The following MOV10L1 variants were observed in gnomAD, a reference collection of about 807,000 sequenced individuals.
MOV10L1 encodes Mov10 like RNA helicase 1.
A neutral mutation model predicts 143.8 loss-of-function variants in MOV10L1; 110 were observed. The ratio of observed to expected loss-of-function variants is 0.76; its 90% confidence interval spans 0.66 to 0.90. MOV10L1 has a LOEUF of 0.90. Ranked by LOEUF, MOV10L1 falls within the 40% of genes least tolerant of loss-of-function variation. MOV10L1 has a pLI of 0.00. For synonymous variants in MOV10L1, 593 were observed against 581.1 expected (o/e 1.02, Z -0.29); for missense variants, 1,406 against 1,526.8 (o/e 0.92, Z 1.32).
At chr22:50,102,287 A>T (rs1388250791) in intron 3 of MOV10L1, among the ~76,000 whole-genome samples, 1 of 152,228 alleles carries the variant, frequency 6.6e-6, no homozygotes, top group Non-Finnish European at 1.5e-5. Context: ...ATCTAATGAG[A>T]TCAGCAAACC....
chr22:50,103,728 C>T (rs1373361988), intron 3 of MOV10L1, among the ~76,000 whole-genome samples: 4 of 151,994 alleles, frequency 2.6e-5, no homozygotes, highest in East Asian at 1.9e-4. Flanking sequence ...TCCGTGTGGC[C>T]GCAGCACCCA....
intron 2 of MOV10L1, among the ~76,000 whole-genome samples, chr22:50,099,188 G>A (rs1173660571): frequency 6.6e-6 from 1 of 152,202 alleles, no homozygotes; most frequent in Non-Finnish European, 1.5e-5. Flanking sequence ...AGGCTTTGGT[G>A]GGTGACTGGG....
chr22:50,097,202 TC>T (rs2062611920), intron 2 of MOV10L1, among the ~76,000 whole-genome samples: 2 of 152,114 alleles, frequency 1.3e-5, no homozygotes, highest in South Asian at 4.1e-4. Context: ...AGCCTCAACC[TC>T]CCAGGCTGAA....
At chr22:50,134,476 A>T (rs2062765472) in intron 14 of MOV10L1, 54 bp from the exon 15 acceptor site, 2 of 1,469,798 alleles carry the variant, frequency 1.4e-6, no homozygotes, top group African/African-American at 1.4e-5. Context: ...CTCTATTAAT[A>T]TTTTTTTAGC....
Position 50,108,158 on chromosome 22 carries a change from C to G in MOV10L1, c.465C>G (p.Asp155Glu). ...TAGGCTTCGAGCCCTGCAAGGGAGA[C>G]TGGGTGGAGGCTGAGTACCGGATCC... ...VCEGFEPCKG[D>E]WVEAEYRIRP... Residue 155 changes from aspartate to glutamate, a missense_variant, in exon 4 of 27, where the codon GAC becomes GAG. Physicochemically the swap from Asp to Glu is conservative, Grantham distance 45. Coordinates refer to ENST00000262794, the MANE Select transcript of MOV10L1 (RefSeq NM_018995.3). The G allele has an allele frequency of 1.2e-6, 2 of 1,614,074 alleles. No homozygotes were observed. The highest frequency in any genetic ancestry group is 1.7e-6 in the Non-Finnish European group (2 of 1,180,000).
Position 50,160,708 on chromosome 22 carries a change from A to C in MOV10L1, c.3345A>C (p.Arg1115Ser). The C allele has an allele frequency of 6.2e-7, 1 of 1,614,134 alleles. No homozygotes were observed. The highest frequency in any genetic ancestry group is 8.5e-7 in the Non-Finnish European group (1 of 1,180,018). ...IISTVRSNED[R>S]FEDDRYFLGF... ...TTTAGGTACGGTCAAATGAAGATAG[A>C]TTTGAAGATGATCGATATTTTTTGG... The change falls in exon 25 of 27, where the codon AGA becomes AGC. Residue 1115 changes from arginine (R) to serine (S), a missense_variant. Transcript: ENST00000262794.
intron 10 of MOV10L1, among the ~76,000 whole-genome samples, chr22:50,120,908 T>C (rs534323586): frequency 1.3e-5 from 2 of 152,314 alleles, no homozygotes; most frequent in Non-Finnish European, 2.9e-5. Context: ...GCCATCAGCC[T>C]GGCCTCTCTC....
chr22:50,096,418 T>C (rs564438176), intron 2 of MOV10L1: 2 of 152,386 alleles, frequency 1.3e-5, no homozygotes, highest in Admixed American at 1.3e-4. Context: ...TTGTTTCTAC[T>C]TTTTGGTTGT....
intron 16 of MOV10L1, among the ~76,000 whole-genome samples, chr22:50,142,809 C>G (rs2063028711): frequency 6.6e-6 from 1 of 151,796 alleles, no homozygotes; most frequent in Non-Finnish European, 1.5e-5. Flanking sequence ...GTACTCCAAG[C>G]TGGGTGACAG....
At chr22:50,133,631 C>G (rs773294312) in intron 13 of MOV10L1, among the ~76,000 whole-genome samples, 13 of 151,952 alleles carry the variant, frequency 8.6e-5, no homozygotes, top group Admixed American at 6.6e-5. Context: ...ACCTCTGCCT[C>G]CCAGGTTCAA....
At chr22:50,127,223 A>G (rs1197795951) in intron 12 of MOV10L1, among the ~76,000 whole-genome samples, 1 of 152,124 alleles carries the variant, frequency 6.6e-6, no homozygotes, top group Non-Finnish European at 1.5e-5. Flanking sequence ...CCTCCAAAGA[A>G]GCAGAGCCAG....
In MOV10L1 at chr22:50,136,556, C is replaced by T. The variant is rs189486958; in HGVS notation, c.2070+1926C>T. ...TGAGAGAGGAAACAAATGAGGTGAC[C>T]TCATGGTTTTCCCAACTCACAGCCT... On this transcript the variant is annotated intron_variant, in intron 15 of 26. Coordinates refer to ENST00000262794, the MANE Select transcript of MOV10L1 (RefSeq NM_018995.3). Among the ~76,000 whole-genome samples the T allele has an allele frequency of 4.0e-3, 613 of 152,274 alleles. 1 individual carries two copies. The highest frequency in any genetic ancestry group is 6.7e-3 in the Non-Finnish European group (459 of 68,018).
chr22:50,102,115 T>TA (rs1266254016), intron 3 of MOV10L1, among the ~76,000 whole-genome samples: 1 of 152,168 alleles, frequency 6.6e-6, no homozygotes, highest in Non-Finnish European at 1.5e-5. Flanking sequence ...TTTCCCAGTA[T>TA]AAAAAACCTC....
chr22:50,130,948 G>A (rs181665182), intron 13 of MOV10L1, among the ~76,000 whole-genome samples: 163 of 152,256 alleles, frequency 1.1e-3, no homozygotes, highest in African/African-American at 3.9e-3. Flanking sequence ...CCAGGCTGGA[G>A]TGCAGTGGCA....
rs2147432337 is a variant in MOV10L1, at chr22:50,152,287, A to G, written c.2893-758A>G. ...GGGCAGAGGGTGCAGCATTGCATAG[A>G]GAGGACGGCTCCCCGCGGCACAGAC... is the stretch of plus-strand genomic sequence containing the variant. On this transcript the variant is annotated intron_variant, in intron 21 of 26. Coordinates refer to ENST00000262794, the MANE Select transcript of MOV10L1 (RefSeq NM_018995.3). This position sits in a 1 kb window ranked among gnomAD's most constrained non-coding sequence, Gnocchi z 4.4. Among the ~76,000 whole-genome samples the G allele has an allele frequency of 6.6e-6, 1 of 152,328 alleles. No homozygotes were observed. The highest frequency in any genetic ancestry group is 2.1e-4 in the South Asian group (1 of 4,832).
At chr22:50,157,272 C>T (rs2063450072) in intron 22 of MOV10L1, among the ~76,000 whole-genome samples, 1 of 116,066 alleles carries the variant, frequency 8.6e-6, no homozygotes, top group African/African-American at 2.7e-5. Flanking sequence ...AGGTTTTCTC[C>T]CCCCTCCGCA....
At chr22:50,100,057 T>G (rs1404898907) in intron 3 of MOV10L1, among the ~76,000 whole-genome samples, 4 of 152,068 alleles carry the variant, frequency 2.6e-5, no homozygotes, top group Admixed American at 1.3e-4. Context: ...AGTGGTATGA[T>G]CTCAGCTCAC....
rs1424980273 is a variant in MOV10L1, at chr22:50,125,573, T to G, written c.1747+4T>G. On this transcript the variant is annotated splice_donor_region_variant and intron_variant, in intron 11 of 26. Coordinates refer to ENST00000262794, the MANE Select transcript of MOV10L1 (RefSeq NM_018995.3). ...GGGAGGCCTTCTCTCTACGCAGGTG[T>G]GTTTGTTACTCATATGCTTCCCTGG... 4 of 1,613,086 alleles carry G rather than the reference T, an allele frequency of 2.5e-6. No homozygotes were observed. The highest frequency in any genetic ancestry group is 3.4e-6 in the Non-Finnish European group (4 of 1,179,484).
chr22:50,158,256 C>G lies in MOV10L1; in HGVS notation c.3216+50C>G, dbSNP rs774295783. 1.2e-5 allele frequency: 19 copies of G among 1,603,892 alleles called. No individual in the cohort carries two copies. Among genetic ancestry groups the G allele is most frequent in the Non-Finnish European group, 1.6e-5 (19 of 1,173,920 alleles). Reference sequence around the variant, plus strand: ...GTTCTGTGAGGTCCCTGCAGCCCTGCTCCTTGGCTCCTGCAGCTCCACAGA... The same window carrying G: ...GTTCTGTGAGGTCCCTGCAGCCCTGGTCCTTGGCTCCTGCAGCTCCACAGA... On this transcript the variant is annotated intron_variant, in intron 23 of 26. Transcript: ENST00000262794. The surrounding 1 kb of genome is among the most constrained non-coding windows in gnomAD (Gnocchi z 5.0).
Sources: gnomAD v4.1 joint callset for allele counts (sites outside exome capture counted in the v4.1 genomes callset) on GRCh38, gnomAD v4.1.1 for gene constraint, Gnocchi (gnomAD v3.1) non-coding constraint, MANE v1.5 for transcripts, NCBI Gene and HGNC (gene_info 2026-07-23, HGNC 2026-07-21) for gene names.